The following CSMD1 variants were observed in gnomAD, a reference collection of about 807,000 sequenced individuals.
The protein encoded by CSMD1 is CUB and sushi domain-containing protein 1.
Under a neutral mutation model 417.5 loss-of-function variants are expected in CSMD1, and 213 were observed. The observed-to-expected ratio is 0.51, with a 90% CI of 0.46 to 0.57. The LOEUF (loss-of-function observed/expected upper bound fraction) is 0.57. Among genes scored for constraint, CSMD1 ranks in the 20% least tolerant of loss-of-function variants. CSMD1 has a pLI of 0.00. For synonymous variants in CSMD1, 2,862 were observed against 1,736.8 expected, an observed-to-expected ratio of 1.65 and a Z score of -16.11; for missense variants, 6,923 against 4,529.7, an observed-to-expected ratio of 1.53 and a Z score of -15.17.
chr8:4,650,163 G>C (rs183067782), intron 1 of CSMD1, among the ~76,000 whole-genome samples: 1 of 151,862 alleles, frequency 6.6e-6, no homozygotes. Flanking sequence ...GGCTAACACG[G>C]TGAAACCCCG....
intron 26 of CSMD1, among the ~76,000 whole-genome samples, chr8:3,241,536 A>G (rs1563176581): frequency 4.6e-5 from 7 of 152,292 alleles, no homozygotes; most frequent in Non-Finnish European, 1.5e-5. Context: ...CTTGGGCCAG[A>G]GTTCCAGGGG....
intron 1 of CSMD1, among the ~76,000 whole-genome samples, chr8:4,871,051 G>T (rs936423063): frequency 1.3e-5 from 2 of 152,150 alleles, no homozygotes; most frequent in Non-Finnish European, 2.9e-5. Flanking sequence ...AGTCAGCAGT[G>T]CTGGGAGGTG....
intron 26 of CSMD1, among the ~76,000 whole-genome samples, chr8:3,266,760 G>C (rs1364260922): frequency 1.4e-5 from 2 of 147,718 alleles, no homozygotes; most frequent in South Asian, 2.2e-4. Context: ...GGGCGAAAGA[G>C]TGAGACACTG....
At chr8:4,919,706 G>C (rs960314734) in intron 1 of CSMD1, among the ~76,000 whole-genome samples, 1 of 152,168 alleles carries the variant, frequency 6.6e-6, no homozygotes, top group African/African-American at 2.4e-5. Flanking sequence ...TCTAAAATCT[G>C]GGTGTTGCCA....
In CSMD1 at chr8:3,575,021, G is replaced by T. The variant is rs747090387; in HGVS notation, c.1268C>A (p.Thr423Asn). The T allele has an allele frequency of 6.2e-7, 1 of 1,613,336 alleles. No homozygotes were observed. Among genetic ancestry groups the T allele is most frequent in the Admixed American group, 1.7e-5 (1 of 60,008 alleles). Residue 423 changes from threonine (T) to asparagine (N), a missense_variant, in exon 10 of 70, where the codon ACC (threonine) becomes AAC (asparagine). Coordinates refer to ENST00000635120, the MANE Select transcript of CSMD1 (RefSeq NM_033225.6). Reference protein sequence around the residue: ...SNLRGPSGVITSPNYPVQYED... With the variant: ...SNLRGPSGVINSPNYPVQYED... Reference sequence around the variant, plus strand: ...ATACTGAACCGGATAATTAGGGGAGGTAATGACGCCGCTGGGCCCACGCAG... The same window carrying T: ...ATACTGAACCGGATAATTAGGGGAGTTAATGACGCCGCTGGGCCCACGCAG...
chr8:4,070,489 C>T (rs1236339841), intron 3 of CSMD1, among the ~76,000 whole-genome samples: 4 of 152,100 alleles, frequency 2.6e-5, no homozygotes, highest in Admixed American at 6.5e-5. Context: ...TCCCGAGTAG[C>T]TGGGACTACA....
chr8:3,160,966 G>A (rs1330921728), intron 38 of CSMD1, among the ~76,000 whole-genome samples: 1 of 152,160 alleles, frequency 6.6e-6, no homozygotes, highest in East Asian at 1.9e-4. Context: ...TTATTTCACG[G>A]CTGTAGTGTT....
intron 1 of CSMD1, among the ~76,000 whole-genome samples, chr8:4,985,956 A>C (rs1811157067): frequency 1.3e-5 from 2 of 152,186 alleles, no homozygotes; most frequent in Non-Finnish European, 2.9e-5. Flanking sequence ...GTTTCTTGTA[A>C]AAATGTGACT....
intron 3 of CSMD1, among the ~76,000 whole-genome samples, chr8:4,318,609 G>T (rs918022100): frequency 6.6e-6 from 1 of 151,324 alleles, no homozygotes; most frequent in Non-Finnish European, 1.5e-5. Context: ...TACCCTTATT[G>T]AATTAGTAAT....
intron 1 of CSMD1, among the ~76,000 whole-genome samples, chr8:4,883,279 G>A (rs561569268): frequency 6.6e-6 from 1 of 151,956 alleles, no homozygotes; most frequent in Non-Finnish European, 1.5e-5. Context: ...ATAGATACAA[G>A]ATAAATAGAG....
chr8:4,035,530 C>T (rs545648169), intron 3 of CSMD1, among the ~76,000 whole-genome samples: 1 of 152,000 alleles, frequency 6.6e-6, no homozygotes, highest in South Asian at 2.1e-4. Context: ...TGGGACAAGA[C>T]GTCAAGGTGG....
At chr8:3,584,037 G>A (rs17066454) in intron 9 of CSMD1, among the ~76,000 whole-genome samples, 5,428 of 151,936 alleles carry the variant, frequency 0.036, 333 homozygotes, top group African/African-American at 0.12. Flanking sequence ...ACCTCCTTAG[G>A]AATTATTTCC....
At chr8:3,506,280 T>C (rs746266239) in intron 10 of CSMD1, among the ~76,000 whole-genome samples, 12 of 152,170 alleles carry the variant, frequency 7.9e-5, no homozygotes, top group Non-Finnish European at 5.9e-5. Flanking sequence ...TCACAGACAC[T>C]ACTTAAGTGC....
intron 25 of CSMD1, among the ~76,000 whole-genome samples, chr8:3,296,452 A>T (rs1378472705): frequency 6.6e-6 from 1 of 152,082 alleles, no homozygotes; most frequent in Non-Finnish European, 1.5e-5. Context: ...AGGGCTTTGT[A>T]GGCTGTTTTA....
chr8:4,742,807 G>C (rs1585029552), intron 1 of CSMD1, among the ~76,000 whole-genome samples: 3 of 152,178 alleles, frequency 2.0e-5, no homozygotes, highest in South Asian at 2.1e-4. Context: ...ATAAATCGCA[G>C]AAAATTTTTC....
intron 3 of CSMD1, among the ~76,000 whole-genome samples, chr8:4,331,111 A>G (rs1432727370): frequency 6.6e-6 from 1 of 152,186 alleles, no homozygotes; most frequent in African/African-American, 2.4e-5. Context: ...TAGCAAAATG[A>G]AAATATATTT....
chr8:3,523,462 T>A (rs1005584173), intron 10 of CSMD1, among the ~76,000 whole-genome samples: 2 of 152,120 alleles, frequency 1.3e-5, no homozygotes, highest in Non-Finnish European at 2.9e-5. Flanking sequence ...ATAAGGTGCC[T>A]AAAGTCCAAT....
At chr8:4,933,452 T>G (rs1807392239) in intron 1 of CSMD1, among the ~76,000 whole-genome samples, 1 of 152,202 alleles carries the variant, frequency 6.6e-6, no homozygotes, top group South Asian at 2.1e-4. Flanking sequence ...GAAAATTAAT[T>G]TCAAAGCCAA....
chr8:3,673,595 T>C (rs764861396), intron 7 of CSMD1, among the ~76,000 whole-genome samples: 2 of 152,194 alleles, frequency 1.3e-5, no homozygotes, highest in African/African-American at 2.4e-5. Flanking sequence ...TCAGAGCTAA[T>C]TTTAACTTGA....
Sources: allele counts gnomAD v4.1 joint callset (sites outside exome capture counted in the v4.1 genomes callset), GRCh38; gene constraint gnomAD v4.1.1; transcripts MANE v1.5; gene names NCBI Gene and HGNC (gene_info 2026-07-23, HGNC 2026-07-21).